Variants in CAST observed in about 807,000 individuals in gnomAD.
CAST encodes the protein MIR583 host.
A neutral mutation model predicts 119.6 loss-of-function variants in CAST; 76 were observed. The ratio of observed to expected loss-of-function variants is 0.64; its 90% confidence interval spans 0.53 to 0.77. CAST has a LOEUF of 0.77. CAST is among the 30% of genes least tolerant of loss of function. The pLI, the probability that CAST is intolerant of heterozygous loss-of-function variation, is 0.00. For missense variants in CAST, 953 were observed against 946.5 expected, an observed-to-expected ratio of 1.01 and a Z score of -0.09; for synonymous variants, 319 against 331.6, an observed-to-expected ratio of 0.96 and a Z score of 0.41.
the CAST span, among the ~76,000 whole-genome samples, chr5:96,227,290 A>G: frequency 6.6e-6 from 1 of 152,256 alleles, no homozygotes; most frequent in African/African-American, 2.4e-5. Context: ...GATTTTTTTA[A>G]AAGAAGATAA....
intron 3 of CAST, among the ~76,000 whole-genome samples, chr5:96,719,303 G>A (rs891415391): frequency 1.3e-5 from 2 of 152,160 alleles, no homozygotes; most frequent in Non-Finnish European, 2.9e-5. Flanking sequence ...TGGGACTACA[G>A]GCGCGTGCCA....
chr5:96,034,903 A>T, the CAST span, among the ~76,000 whole-genome samples: 5 of 151,280 alleles, frequency 3.3e-5, no homozygotes, highest in East Asian at 5.8e-4. Context: ...CATACATTTA[A>T]TGTCTCTAGG....
chr5:96,231,568 T>C, the CAST span, among the ~76,000 whole-genome samples: 2 of 152,158 alleles, frequency 1.3e-5, no homozygotes, highest in Non-Finnish European at 2.9e-5. Flanking sequence ...ATTTGAGTGA[T>C]GGTTGCACAA....
chr5:96,626,116 C>G (rs1182718525), intron 1 of CAST, among the ~76,000 whole-genome samples: 1 of 152,198 alleles, frequency 6.6e-6, no homozygotes, highest in South Asian at 2.1e-4. Context: ...ATCCTGGCAT[C>G]TGCTTCTCCA....
At chr5:96,215,730 A>G in the CAST span, among the ~76,000 whole-genome samples, 1 of 152,284 alleles carries the variant, frequency 6.6e-6, no homozygotes, top group South Asian at 2.1e-4. Context: ...CAGCATGAAG[A>G]TGATGAGGAT....
intron 1 of CAST, among the ~76,000 whole-genome samples, chr5:96,617,906 T>C (rs77662164): frequency 0.098 from 14,600 of 149,146 alleles, 816 homozygotes; most frequent in South Asian, 0.18. Context: ...TCTGGTGTCT[T>C]AAGGAGGGAG....
chr5:96,663,505 T>A (rs553826020), intron 1 of CAST, among the ~76,000 whole-genome samples: 2 of 152,366 alleles, frequency 1.3e-5, no homozygotes, highest in African/African-American at 4.8e-5. Context: ...GATTCCTGAA[T>A]GCACTAGGAC....
chr5:96,609,029 C>T (rs1327987054), intron 1 of CAST, among the ~76,000 whole-genome samples: 1 of 152,164 alleles, frequency 6.6e-6, no homozygotes, highest in African/African-American at 2.4e-5. Flanking sequence ...ATATTACACA[C>T]CTTACACAAA....
intron 2 of CAST, among the ~76,000 whole-genome samples, chr5:96,686,148 C>T (rs1052922004): frequency 8.2e-5 from 12 of 145,528 alleles, no homozygotes; most frequent in African/African-American, 3.2e-4. Context: ...GGACCTTGTC[C>T]TTTAGATCTT....
the CAST span, among the ~76,000 whole-genome samples, chr5:96,238,143 A>T: frequency 6.6e-6 from 1 of 152,082 alleles, no homozygotes. Context: ...AATTTAATAC[A>T]TTTTAACCTT....
At chr5:96,401,699 A>G in the CAST span, among the ~76,000 whole-genome samples, 2 of 152,270 alleles carry the variant, frequency 1.3e-5, no homozygotes, top group South Asian at 2.1e-4. Flanking sequence ...CATTGCACTT[A>G]TAGGCTTCTA....
At chr5:96,092,157 T>G in the CAST span, among the ~76,000 whole-genome samples, 569 of 152,334 alleles carry the variant, frequency 3.7e-3, 5 homozygotes, top group Middle Eastern at 0.014. Flanking sequence ...ATTTCCTTCT[T>G]GTCTACTCCT....
chr5:96,327,206 G>T, the CAST span, among the ~76,000 whole-genome samples: 1 of 152,208 alleles, frequency 6.6e-6, no homozygotes, highest in African/African-American at 2.4e-5. Flanking sequence ...CAAATTTGTT[G>T]TAAGGATTAG....
chr5:96,319,782 A>T, the CAST span, among the ~76,000 whole-genome samples: 1 of 152,032 alleles, frequency 6.6e-6, no homozygotes, highest in African/African-American at 2.4e-5. Flanking sequence ...AGTCCATGCC[A>T]GGTGCTCTAA....
chr5:96,094,814 A>G, the CAST span, among the ~76,000 whole-genome samples: 24 of 152,316 alleles, frequency 1.6e-4, no homozygotes, highest in Admixed American at 1.2e-3. Context: ...TTGGTTCTCT[A>G]CGGTTTGGAC....
the CAST span, among the ~76,000 whole-genome samples, chr5:96,096,130 C>T: frequency 7.9e-5 from 12 of 152,164 alleles, no homozygotes; most frequent in African/African-American, 2.9e-4. Flanking sequence ...TTCAAGTAAA[C>T]TTCCTCTGAA....
chr5:96,451,677 A>G, the CAST span, among the ~76,000 whole-genome samples: 325 of 152,358 alleles, frequency 2.1e-3, no homozygotes, highest in African/African-American at 7.5e-3. Flanking sequence ...TCTGCACAGC[A>G]AAAGAAACTA....
the CAST span, among the ~76,000 whole-genome samples, chr5:96,130,491 A>G: frequency 1.3e-5 from 2 of 151,820 alleles, no homozygotes; most frequent in African/African-American, 4.8e-5. Context: ...TAAAATATGG[A>G]CTTTAATTAA....
chr5:96,269,617 CTA>C, the CAST span, among the ~76,000 whole-genome samples: 1 of 152,122 alleles, frequency 6.6e-6, no homozygotes, highest in African/African-American at 2.4e-5. Context: ...TAATTAGAGA[CTA>C]TTATGAACAA....
Sources: gnomAD v4.1 joint callset for allele counts (sites outside exome capture counted in the v4.1 genomes callset) on GRCh38, gnomAD v4.1.1 for gene constraint, MANE v1.5 for transcripts, NCBI Gene and HGNC (gene_info 2026-07-23, HGNC 2026-07-21) for gene names.